Variants in METTL15 observed in about 807,000 individuals in gnomAD.
The protein encoded by METTL15 is methyltransferase 15, mitochondrial 12S rRNA N4-cytidine, also known as 12S rRNA N(4)-cytidine methyltransferase METTL15.
A neutral mutation model predicts 38.3 loss-of-function variants in METTL15; 34 were observed. That is an observed-to-expected ratio of 0.89 (90% confidence interval 0.68 to 1.18). The LOEUF (loss-of-function observed/expected upper bound fraction) is 1.18, where lower values mean the gene tolerates loss of function less well. Among genes scored for constraint, METTL15 ranks in the 50% most tolerant of loss-of-function variants. The probability of loss-of-function intolerance (pLI) is 0.00; values close to 1 mark genes in which losing one functional copy is unlikely to be tolerated. For missense variants in METTL15, 438 were observed against 498.4 expected (o/e 0.88, Z 1.15); for synonymous variants, 162 against 170.9 (o/e 0.95, Z 0.41).
intron 6 of METTL15, among the ~76,000 whole-genome samples, chr11:28,489,723 T>A (rs775627696): frequency 6.6e-6 from 1 of 152,096 alleles, no homozygotes; most frequent in Non-Finnish European, 1.5e-5. Context: ...ACCTTGAACA[T>A]GTTATTTCAC....
chr11:28,388,430 G>A (rs1030460175), intron 5 of METTL15, among the ~76,000 whole-genome samples: 1 of 151,648 alleles, frequency 6.6e-6, no homozygotes, highest in Admixed American at 6.6e-5. Flanking sequence ...AAGGCAAAAA[G>A]GAAATTAAGA....
At chr11:28,127,610 G>C (rs34260730) in intron 3 of METTL15, among the ~76,000 whole-genome samples, 12 of 152,096 alleles carry the variant, frequency 7.9e-5, no homozygotes, top group Non-Finnish European at 1.2e-4. Flanking sequence ...CCCACATGCT[G>C]ATCCACTGTA....
At chr11:28,176,179 A>T (rs1851068739) in intron 3 of METTL15, among the ~76,000 whole-genome samples, 1 of 152,082 alleles carries the variant, frequency 6.6e-6, no homozygotes, top group African/African-American at 2.4e-5. Context: ...AGAAAATTTA[A>T]AAAATATAGA....
intron 5 of METTL15, among the ~76,000 whole-genome samples, chr11:28,372,344 G>T (rs1850252817): frequency 6.6e-6 from 1 of 151,692 alleles, no homozygotes; most frequent in Non-Finnish European, 1.5e-5. Flanking sequence ...CATGGTGAAT[G>T]ATCTTTTAAA....
At chr11:28,428,206 C>T (rs1234189513) in intron 6 of METTL15, among the ~76,000 whole-genome samples, 1 of 152,134 alleles carries the variant, frequency 6.6e-6, no homozygotes, top group Non-Finnish European at 1.5e-5. Flanking sequence ...TATAGTATAG[C>T]CTATTGCTCC....
intron 4 of METTL15, among the ~76,000 whole-genome samples, chr11:28,240,291 C>G (rs767979211): frequency 2.0e-5 from 3 of 151,960 alleles, no homozygotes; most frequent in African/African-American, 7.3e-5. Context: ...ATTTGTTAAA[C>G]GAGAAGAATG....
intron 4 of METTL15, among the ~76,000 whole-genome samples, chr11:28,246,173 A>T (rs527889875): frequency 6.6e-6 from 1 of 152,322 alleles, no homozygotes; most frequent in African/African-American, 2.4e-5. Context: ...ATTTCAAAAT[A>T]GCTAGAAGAA....
chr11:28,223,284 A>C (rs577017728), intron 4 of METTL15, among the ~76,000 whole-genome samples: 1 of 152,262 alleles, frequency 6.6e-6, no homozygotes, highest in East Asian at 1.9e-4. Flanking sequence ...TTATGTTTAC[A>C]TCTCTGCATA....
chr11:28,492,447 G>A (rs1211051725), intron 6 of METTL15, among the ~76,000 whole-genome samples: 30 of 151,776 alleles, frequency 2.0e-4, no homozygotes, highest in Admixed American at 2.0e-3. Context: ...AAGTGCATAG[G>A]TTTCCTTTGA....
chr11:28,272,248 A>T (rs1298459861), intron 4 of METTL15, among the ~76,000 whole-genome samples: 1 of 152,162 alleles, frequency 6.6e-6, no homozygotes, highest in African/African-American at 2.4e-5. Context: ...AAATAATTCT[A>T]CTATAAAGAC....
At chr11:28,254,162 A>G (rs1854871542) in intron 4 of METTL15, among the ~76,000 whole-genome samples, 1 of 152,158 alleles carries the variant, frequency 6.6e-6, no homozygotes, top group Non-Finnish European at 1.5e-5. Context: ...GTCTTTGGAT[A>G]TAAACCATTT....
At chr11:28,518,983 G>A (rs1398929455) in intron 6 of METTL15, 1 of 152,178 alleles carries the variant, frequency 6.6e-6, no homozygotes, top group African/African-American at 2.4e-5. Context: ...ATATTTGTTT[G>A]TTTGCATATT....
At chr11:28,513,655 C>T (rs1040944093) in intron 6 of METTL15, among the ~76,000 whole-genome samples, 2 of 152,216 alleles carry the variant, frequency 1.3e-5, no homozygotes, top group African/African-American at 4.8e-5. Context: ...TTATTAACAG[C>T]AAGCCAGTCA....
At chr11:28,372,769 C>T (rs1468819932) in intron 5 of METTL15, among the ~76,000 whole-genome samples, 13 of 108,536 alleles carry the variant, frequency 1.2e-4, no homozygotes, top group African/African-American at 4.2e-4. Context: ...TCCCTCCCCC[C>T]TCCCCCCACC....
At chr11:28,378,234 G>T (rs1039982386) in intron 5 of METTL15, among the ~76,000 whole-genome samples, 1 of 152,224 alleles carries the variant, frequency 6.6e-6, no homozygotes, top group Non-Finnish European at 1.5e-5. Context: ...CTTGGGCAAT[G>T]GCGGGCGCCC....
At chr11:28,368,403 G>A (rs1293059448) in intron 5 of METTL15, among the ~76,000 whole-genome samples, 3 of 152,058 alleles carry the variant, frequency 2.0e-5, no homozygotes, top group African/African-American at 7.2e-5. Flanking sequence ...ACGAAAAAAA[G>A]CTCATCATCA....
At chr11:28,175,981 A>G (rs1014432091) in intron 3 of METTL15, among the ~76,000 whole-genome samples, 4 of 151,924 alleles carry the variant, frequency 2.6e-5, no homozygotes, top group African/African-American at 9.7e-5. Flanking sequence ...AAAGTTGTAA[A>G]TTTTGCTGTA....
chr11:28,525,408 A>G (rs1393044816), intron 6 of METTL15, among the ~76,000 whole-genome samples: 1 of 152,086 alleles, frequency 6.6e-6, no homozygotes, highest in Non-Finnish European at 1.5e-5. Flanking sequence ...ACACAGTGCT[A>G]ATTGATGTAT....
At chr11:28,169,202 T>C (rs1850764237) in intron 3 of METTL15, among the ~76,000 whole-genome samples, 1 of 152,114 alleles carries the variant, frequency 6.6e-6, no homozygotes, top group Non-Finnish European at 1.5e-5. Context: ...GGGGAATAGA[T>C]TTGACAGAGA....
Sources: gnomAD v4.1 joint callset for allele counts (sites outside exome capture counted in the v4.1 genomes callset) on GRCh38, gnomAD v4.1.1 for gene constraint, MANE v1.5 for transcripts, NCBI Gene and HGNC (gene_info 2026-07-23, HGNC 2026-07-21) for gene names.